NLRP11: variants seen among roughly 807,000 people sequenced by gnomAD.
NLRP11 encodes NLR family pyrin domain containing 11, also known as NACHT, LRR and PYD domains-containing protein 11.
NLRP11 carries 53 observed loss-of-function variants against 79.3 expected under a neutral mutation model. The ratio of observed to expected loss-of-function variants is 0.67; its 90% confidence interval spans 0.54 to 0.84. The LOEUF (loss-of-function observed/expected upper bound fraction) is 0.84, where lower values mean the gene tolerates loss of function less well. Ranked by LOEUF, NLRP11 falls within the 40% of genes least tolerant of loss-of-function variation. The pLI is 0.00. For missense variants in NLRP11, 1,264 were observed against 1,255.0 expected, an observed-to-expected ratio of 1.01 and a Z score of -0.11; for synonymous variants, 518 against 462.6, an observed-to-expected ratio of 1.12 and a Z score of -1.54.
chr19:55,830,324 T>C (rs1465353784), intron 1 of NLRP11, among the ~76,000 whole-genome samples: 1 of 152,160 alleles, frequency 6.6e-6, no homozygotes, highest in Non-Finnish European at 1.5e-5. Flanking sequence ...GACTTCCGAG[T>C]TCAGGAGTCA....
intron 6 of NLRP11, among the ~76,000 whole-genome samples, chr19:55,795,568 C>T (rs1457381499): frequency 6.6e-6 from 1 of 152,090 alleles, no homozygotes. Flanking sequence ...CGGTTCACTG[C>T]AACCTCCGCC....
At position 55,821,250 on chromosome 19, in the gene NLRP11, C is replaced by CA. The variant is rs1407880955; in HGVS notation, c.-62-3015_-62-3014insT. 7.9e-3 allele frequency among the ~76,000 whole-genome samples: 806 copies of CA among 102,532 alleles called. 2 individuals are homozygous for CA. The highest frequency in any genetic ancestry group is 0.026 in the East Asian group (83 of 3,176). 67.3% of individuals were successfully genotyped at this position (102,532 alleles called of 152,430 possible). A position where few individuals can be genotyped will look rare whatever the true frequency, so the allele number is the denominator to read the frequency against. On this transcript the variant is annotated intron_variant, in intron 1 of 9. Transcript: ENST00000589093. The stretch of plus-strand genomic sequence containing the variant: ...ACACACACACACACACACACACACA[C>CA]CCCAAGCACTGAGTTTGTAATGATC...
At chr19:55,822,517 A>G (rs1159585735) in intron 1 of NLRP11, among the ~76,000 whole-genome samples, 28 of 151,914 alleles carry the variant, frequency 1.8e-4, no homozygotes, top group Admixed American at 1.8e-3. Flanking sequence ...TCATCTCACT[A>G]GGGAGTGCCA....
At chr19:55,820,860 T>C (rs1392444199) in intron 1 of NLRP11, among the ~76,000 whole-genome samples, 1 of 152,140 alleles carries the variant, frequency 6.6e-6, no homozygotes, top group African/African-American at 2.4e-5. Context: ...TCGTGTTGGC[T>C]GAAGCCAGGA....
At chr19:55,796,014 A>C in intron 6 of NLRP11, 66 bp downstream of exon 6, 1 of 1,416,432 alleles carries the variant, frequency 7.1e-7, no homozygotes, top group South Asian at 1.2e-5. Context: ...CTGCTCTTTG[A>C]TCATGTGCTT....
At chr19:55,813,980 CTT>C (rs1980849361) in intron 2 of NLRP11, among the ~76,000 whole-genome samples, 1 of 152,144 alleles carries the variant, frequency 6.6e-6, no homozygotes, top group African/African-American at 2.4e-5. Context: ...GTTCAGTAGA[CTT>C]TACGCCAGAC....
intron 2 of NLRP11, 93 bp from the exon 3 acceptor site, chr19:55,810,431 A>T: frequency 8.5e-7 from 1 of 1,174,772 alleles, no homozygotes; most frequent in Non-Finnish European, 1.2e-6. Context: ...TTTACAGTAA[A>T]AATATAGTAG....
rs775208779 is a variant in NLRP11 at position 55,809,995 on chromosome 19, C to T, written c.615G>A (p.Lys205=). ...TGGGAGCCTGGCCGTCAGGCCAGTC[C>T]TTGGCGATTAGCTCAGCCAAGCTGC... The change falls in exon 3 of 10, where the codon AAG becomes AAA. Residue 205 remains lysine, a synonymous_variant. Coordinates refer to ENST00000589093, the Ensembl canonical transcript of NLRP11. The surrounding 1 kb of genome is among the most constrained non-coding windows in gnomAD (Gnocchi z 4.5). The T allele has an allele frequency of 1.2e-6, 2 of 1,614,212 alleles. No individual in the cohort carries two copies. The highest frequency in any genetic ancestry group is 8.5e-7 in the Non-Finnish European group (1 of 1,180,032).
chr19:55,793,345 G>A (rs1978466326), intron 6 of NLRP11, among the ~76,000 whole-genome samples: 2 of 151,984 alleles, frequency 1.3e-5, no homozygotes, highest in African/African-American at 4.8e-5. Context: ...GAGACAGGAA[G>A]ATCACCTGAG....
chr19:55,819,219 G>A (rs1600198861), intron 1 of NLRP11, among the ~76,000 whole-genome samples: 1 of 147,582 alleles, frequency 6.8e-6, no homozygotes, highest in Non-Finnish European at 1.5e-5. Flanking sequence ...CCCCACCTCT[G>A]CAGGGGTTCC....
At chr19:55,830,730 GGTT>G (rs1298317087) in intron 1 of NLRP11, among the ~76,000 whole-genome samples, 1 of 117,614 alleles carries the variant, frequency 8.5e-6, no homozygotes, top group African/African-American at 4.5e-5. Flanking sequence ...TTTTTAAGTT[GGTT>G]GCTGGAATTT....
In NLRP11 at chr19:55,801,557, C is replaced by T. The variant is rs553208701; in HGVS notation, c.2171+15G>A. On this transcript the variant is annotated intron_variant, in intron 5 of 9. Coordinates refer to ENST00000589093, the Ensembl canonical transcript of NLRP11. ...CCCTCACATGCACTGAGCTTTCAGC[C>T]GAGCAACAACTCACCTCAGATGACT... 1.4e-5 allele frequency: 23 copies of T among 1,612,280 alleles called. No homozygotes were observed. The highest frequency in any genetic ancestry group is 2.7e-5 in the African/African-American group (2 of 74,988).
intron 2 of NLRP11, 84 bp downstream of exon 2, chr19:55,817,820 G>GAAA (rs10632108): frequency 2.3e-4 from 190 of 836,266 alleles, no homozygotes; most frequent in South Asian, 4.0e-4. Context: ...AACCTATTTA[G>GAAA]AAAAAAAAAA....
intron 1 of NLRP11, among the ~76,000 whole-genome samples, chr19:55,818,853 A>AT (rs937041390): frequency 2.0e-5 from 3 of 151,936 alleles, no homozygotes; most frequent in African/African-American, 7.3e-5. Context: ...CCCCTAGGTT[A>AT]TTTTTTCACT....
chr19:55,833,562 G>A (rs192863086), upstream of NLRP11, among the ~76,000 whole-genome samples: 509 of 151,898 alleles, frequency 3.4e-3, 3 homozygotes, highest in Middle Eastern at 0.02. Context: ...TCAGAAGATC[G>A]AGACCATCCT....
At chr19:55,815,654 G>T (rs952772207) in intron 2 of NLRP11, among the ~76,000 whole-genome samples, 16 of 152,020 alleles carry the variant, frequency 1.1e-4, no homozygotes, top group Admixed American at 6.6e-4. Flanking sequence ...ATATTAAAAA[G>T]GAGTGGCTGG....
exon 10 of NLRP11, chr19:55,785,817 C>T (rs1361408564): frequency 1.2e-6 from 2 of 1,614,086 alleles, no homozygotes; most frequent in African/African-American, 1.3e-5. Context: ...GTTTTCTTTC[C>T]TTTACAGTCA....
At chr19:55,836,347 A>G (rs767258072), upstream of NLRP11, 3 of 152,104 alleles carry the variant, frequency 2.0e-5, no homozygotes, top group Non-Finnish European at 4.4e-5. Flanking sequence ...TCCAGCTTGA[A>G]ATATCCCCCG....
At chr19:55,789,105 G>C (rs568209572) in intron 8 of NLRP11, 124 bp downstream of exon 8, 3 of 1,369,708 alleles carry the variant, frequency 2.2e-6, no homozygotes, top group Non-Finnish European at 3.0e-6. Flanking sequence ...TGTGCAATAA[G>C]AGTCCCATTT....
Sources: allele counts gnomAD v4.1 joint callset (sites outside exome capture counted in the v4.1 genomes callset), GRCh38; gene constraint gnomAD v4.1.1; non-coding constraint Gnocchi (gnomAD v3.1); transcripts MANE v1.5; gene names NCBI Gene and HGNC (gene_info 2026-07-23, HGNC 2026-07-21).